NPC2: variants seen among roughly 807,000 people sequenced by gnomAD.
NPC2 encodes the protein NPC intracellular cholesterol transporter 2.
Under a neutral mutation model 17.0 loss-of-function variants are expected in NPC2, and 14 were observed. The ratio of observed to expected loss-of-function variants is 0.82; its 90% confidence interval spans 0.54 to 1.29. NPC2 has a LOEUF of 1.29. Ranked by LOEUF, NPC2 falls within the 50% of genes most tolerant of loss-of-function variation. NPC2 has a pLI of 0.00. For missense variants in NPC2, 167 were observed against 183.4 expected, an observed-to-expected ratio of 0.91 and a Z score of 0.52; for synonymous variants, 75 against 69.3, an observed-to-expected ratio of 1.08 and a Z score of -0.41.
At chr14:74,487,250 G>C (rs2086722259) in intron 1 of NPC2, among the ~76,000 whole-genome samples, 1 of 137,698 alleles carries the variant, frequency 7.3e-6, no homozygotes, top group Admixed American at 7.4e-5. Context: ...CACCCTCCCT[G>C]TTTTGTTTTT....
rs775630394 is a variant in NPC2, at chr14:74,480,047, C to T, written c.*227G>A. 3.2e-5 allele frequency: 48 copies of T among 1,501,608 alleles called. 1 individual carries two copies. The South Asian group carries it at 5.8e-4, about 18-fold the overall frequency. 93.0% of individuals were successfully genotyped at this position (1,501,608 alleles called of 1,614,324 possible). A position where few individuals can be genotyped will look rare whatever the true frequency, so the allele number is the denominator to read the frequency against. The stretch of plus-strand genomic sequence containing the variant: ...AAAAAAAAAATTAAACATCTGCTAA[C>T]CAAGTGCTGCATTTAATGAAACCAC... On this transcript the variant is annotated 3_prime_UTR_variant, in exon 5 of 5. Transcript: ENST00000555619.
At chr14:74,488,299 G>A (rs1398052250) in intron 1 of NPC2, among the ~76,000 whole-genome samples, 1 of 152,094 alleles carries the variant, frequency 6.6e-6, no homozygotes, top group African/African-American at 2.4e-5. Context: ...CCAGTATTTT[G>A]TCTTCCTGGA....
At chr14:74,492,844 G>C (rs2086790163) in intron 1 of NPC2, among the ~76,000 whole-genome samples, 1 of 152,126 alleles carries the variant, frequency 6.6e-6, no homozygotes, top group South Asian at 2.1e-4. Context: ...AAGATACAAA[G>C]CATAAATAAA....
At chr14:74,485,835 A>G (rs917394) in intron 2 of NPC2, among the ~76,000 whole-genome samples, 98,402 of 152,126 alleles carry the variant, frequency 0.65, 32,300 homozygotes, top group African/African-American at 0.73. Context: ...TTTCTTGGCT[A>G]TTTCTTGGGT....
intron 1 of NPC2, among the ~76,000 whole-genome samples, chr14:74,486,948 A>C (rs2086718223): frequency 6.6e-6 from 1 of 152,028 alleles, no homozygotes; most frequent in Non-Finnish European, 1.5e-5. Context: ...CACTACAGGA[A>C]CAACTACATT....
chr14:74,486,345 A>T lies in NPC2; in HGVS notation c.174T>A (p.Asn58Lys). ...TTTACGCACTGCTGGTGAAGGTGACATTGACGCTGTAAGACTGTCCTTTGC... is the reference window on the plus strand; with the variant it reads ...TTTACGCACTGCTGGTGAAGGTGACTTTGACGCTGTAAGACTGTCCTTTGC... ...QLSKGQSYSVNVTFTSNIQSK... is the reference protein window; with the variant it reads ...QLSKGQSYSVKVTFTSNIQSK... The change falls in exon 2 of 5, where the codon AAT becomes AAA. Residue 58 changes from asparagine (N) to lysine (K), a missense_variant. By Grantham distance (94) the Asn-to-Lys change is moderately conservative. Coordinates refer to ENST00000555619, the MANE Select transcript of NPC2 (RefSeq NM_006432.5). The T allele has an allele frequency of 6.3e-7, 1 of 1,599,852 alleles. No homozygotes were observed. The highest frequency in any genetic ancestry group is 1.1e-5 in the South Asian group (1 of 88,168).
chr14:74,484,378 C>T (rs746031503), intron 3 of NPC2, 37 bp downstream of exon 3: 2 of 1,611,472 alleles, frequency 1.2e-6, no homozygotes, highest in African/African-American at 1.3e-5. Flanking sequence ...AATCCAGTCC[C>T]AAGGCCTCCC....
intron 1 of NPC2, among the ~76,000 whole-genome samples, chr14:74,489,632 A>G (rs757714867): frequency 1.3e-5 from 2 of 152,234 alleles, no homozygotes; most frequent in Non-Finnish European, 2.9e-5. Context: ...CTTGACCAAA[A>G]AAGGTTTAAA....
chr14:74,485,937 A>G lies in NPC2; in HGVS notation c.190+392T>C, dbSNP rs551301357. On this transcript the variant is annotated intron_variant, in intron 2 of 4. Coordinates refer to ENST00000555619, the MANE Select transcript of NPC2 (RefSeq NM_006432.5). ...GATGTAGACTTAATAGCTGAAAGGCATTACTGCTTAAAACAACATTTTGGA... is the reference window on the plus strand; with the variant it reads ...GATGTAGACTTAATAGCTGAAAGGCGTTACTGCTTAAAACAACATTTTGGA... Among the ~76,000 whole-genome samples the G allele has an allele frequency of 5.9e-5, 9 of 152,332 alleles. No individual in the cohort carries two copies. In the South Asian group the frequency reaches 1.9e-3, roughly 32 times the overall value.
At chr14:74,492,491 ATCTC>A (rs1555346290) in intron 1 of NPC2, among the ~76,000 whole-genome samples, 6 of 152,164 alleles carry the variant, frequency 3.9e-5, no homozygotes. Flanking sequence ...TGACAGTTCT[ATCTC>A]TCTATCTCCA....
chr14:74,480,953 A>G (rs2086650089), intron 3 of NPC2, among the ~76,000 whole-genome samples, 174 bp from the exon 4 acceptor site: 1 of 152,226 alleles, frequency 6.6e-6, no homozygotes, highest in Non-Finnish European at 1.5e-5. Flanking sequence ...GCCTTAAGAG[A>G]GTGAACAAAG....
At chr14:74,485,598 T>C (rs1320192515) in intron 2 of NPC2, among the ~76,000 whole-genome samples, 1 of 152,068 alleles carries the variant, frequency 6.6e-6, no homozygotes, top group Non-Finnish European at 1.5e-5. Context: ...CTTAGAGCTG[T>C]CTTTAGGCTT....
At chr14:74,493,453 G>A, upstream of NPC2, 2 of 1,418,488 alleles carry the variant, frequency 1.4e-6, no homozygotes, top group South Asian at 2.6e-5. The surrounding 1 kb of genome is among the most constrained non-coding windows in gnomAD (Gnocchi z 4.1). Flanking sequence ...GCCCTCTCAG[G>A]CCCAGAAGCC....
At position 74,484,593 on chromosome 14, in the gene NPC2, A is replaced by AG. The variant is rs2086689994; in HGVS notation, c.191-7dup. 1 of 1,614,024 alleles carries AG rather than the reference A, an allele frequency of 6.2e-7. No homozygotes were observed. Among genetic ancestry groups the AG allele is most frequent in the East Asian group, 2.2e-5 (1 of 44,880 alleles). On this transcript the variant is annotated splice_polypyrimidine_tract_variant and splice_region_variant and intron_variant, in intron 2 of 4. Coordinates refer to ENST00000555619, the MANE Select transcript of NPC2 (RefSeq NM_006432.5). Reference sequence around the variant, plus strand: ...GCTGCTTTTAGACTGAATATCTAAGAGAAAAAAAGAGAATCAGATGGCAAA... The same window carrying AG: ...GCTGCTTTTAGACTGAATATCTAAGAGGAAAAAAAGAGAATCAGATGGCAAA...
intron 3 of NPC2, 100 bp downstream of exon 3, chr14:74,484,315 T>C: frequency 8.0e-7 from 1 of 1,250,010 alleles, no homozygotes; most frequent in Middle Eastern, 2.2e-4. Context: ...ATCATAGAGA[T>C]AAGGGGCCCT....
At chr14:74,492,417 A>G (rs549337216) in intron 1 of NPC2, among the ~76,000 whole-genome samples, 1 of 152,364 alleles carries the variant, frequency 6.6e-6, no homozygotes, top group African/African-American at 2.4e-5. Context: ...ATGATTGATT[A>G]TACGATCTCC....
intron 1 of NPC2, among the ~76,000 whole-genome samples, chr14:74,488,977 G>A (rs974163849): frequency 6.6e-6 from 1 of 152,208 alleles, no homozygotes; most frequent in African/African-American, 2.4e-5. Flanking sequence ...GCCCACTTAT[G>A]AGTCATGAAA....
chr14:74,492,048 T>C (rs935187203), intron 1 of NPC2, among the ~76,000 whole-genome samples: 1 of 152,106 alleles, frequency 6.6e-6, no homozygotes, highest in Non-Finnish European at 1.5e-5. Context: ...TGCATTCCGA[T>C]GCAGCAAATG....
chr14:74,480,870 A>T, intron 3 of NPC2, 91 bp from the exon 4 acceptor site: 1 of 1,070,096 alleles, frequency 9.3e-7, no homozygotes, highest in Non-Finnish European at 1.4e-6. Flanking sequence ...GATGTACAGT[A>T]GCAAACTTCC....
Sources: gnomAD v4.1 joint callset for allele counts (sites outside exome capture counted in the v4.1 genomes callset) on GRCh38, gnomAD v4.1.1 for gene constraint, Gnocchi (gnomAD v3.1) non-coding constraint, MANE v1.5 for transcripts, NCBI Gene and HGNC (gene_info 2026-07-23, HGNC 2026-07-21) for gene names.